SPAG16: variants seen among roughly 807,000 people sequenced by gnomAD.
SPAG16 encodes the protein sperm associated antigen 16.
A neutral mutation model predicts 80.4 loss-of-function variants in SPAG16; 86 were observed. The observed-to-expected ratio is 1.07, with a 90% CI of 0.90 to 1.28. The LOEUF is 1.28. SPAG16 is among the 50% of genes most tolerant of loss of function. The pLI is 0.00. For synonymous variants in SPAG16, 294 were observed against 265.9 expected (o/e 1.11, Z -1.03); for missense variants, 870 against 765.3 (o/e 1.14, Z -1.61).
chr2:214,325,826 G>A (rs1316205127), intron 15 of SPAG16, among the ~76,000 whole-genome samples: 1 of 151,852 alleles, frequency 6.6e-6, no homozygotes, highest in Non-Finnish European at 1.5e-5. Context: ...AAGCAGAAAA[G>A]GAAATAGAGA....
At chr2:213,292,472 G>A (rs1031625502) in intron 1 of SPAG16, among the ~76,000 whole-genome samples, 1 of 151,316 alleles carries the variant, frequency 6.6e-6, no homozygotes, top group African/African-American at 2.4e-5. Context: ...AGACCATCCC[G>A]GCTAAAACGG....
intron 14 of SPAG16, among the ~76,000 whole-genome samples, chr2:214,140,328 A>G (rs1405909317): frequency 6.6e-6 from 1 of 151,726 alleles, no homozygotes; most frequent in African/African-American, 2.4e-5. Flanking sequence ...ATTTAATTGC[A>G]TCATCGTCAT....
chr2:214,196,648 G>T (rs1434494520), intron 15 of SPAG16, among the ~76,000 whole-genome samples: 3 of 152,002 alleles, frequency 2.0e-5, no homozygotes, highest in African/African-American at 7.2e-5. Context: ...CACAAAGAGT[G>T]AAACCAGTCT....
intron 4 of SPAG16, 142 bp downstream of exon 4, chr2:213,310,319 AACACACACACACAC>A (rs59407158): frequency 0.049 from 17,000 of 346,536 alleles, 548 homozygotes; most frequent in African/African-American, 0.14. Flanking sequence ...CTGAAACCAC[AACACACACACACAC>A]ACACACACAC....
chr2:214,041,978 G>GTGTT (rs1410396491), intron 13 of SPAG16, among the ~76,000 whole-genome samples: 2 of 116,362 alleles, frequency 1.7e-5, no homozygotes, highest in Non-Finnish European at 3.6e-5. Context: ...GTCTGTGTGT[G>GTGTT]TATATATATA....
intron 15 of SPAG16, among the ~76,000 whole-genome samples, chr2:214,403,983 A>C (rs990495201): frequency 2.6e-5 from 4 of 152,186 alleles, no homozygotes; most frequent in African/African-American, 9.6e-5. Flanking sequence ...AGGTAGGTTG[A>C]TTTTTGTTAG....
At chr2:214,214,185 C>CTTTT (rs71399124) in intron 15 of SPAG16, among the ~76,000 whole-genome samples, 25,343 of 139,866 alleles carry the variant, frequency 0.18, 2,632 homozygotes, top group Middle Eastern at 0.29. Context: ...TTCCTTTTTA[C>CTTTT]TTTTTTTTTT....
chr2:213,965,631 G>A (rs532580579), intron 12 of SPAG16, among the ~76,000 whole-genome samples: 24 of 152,150 alleles, frequency 1.6e-4, no homozygotes, highest in Admixed American at 7.2e-4. Flanking sequence ...TTTTACTATC[G>A]TATGGCTATA....
At chr2:213,952,907 TAAC>T (rs1297347138) in intron 12 of SPAG16, among the ~76,000 whole-genome samples, 6 of 152,076 alleles carry the variant, frequency 3.9e-5, no homozygotes, top group Non-Finnish European at 7.4e-5. Context: ...AATTTTAAAA[TAAC>T]AAGTTTCAAT....
chr2:213,855,509 G>A (rs1283706575), intron 10 of SPAG16, among the ~76,000 whole-genome samples: 1 of 152,174 alleles, frequency 6.6e-6, no homozygotes, highest in Non-Finnish European at 1.5e-5. Flanking sequence ...TCACTTTGTT[G>A]CATTTCATAG....
chr2:213,319,297 T>C (rs116551646), intron 5 of SPAG16, among the ~76,000 whole-genome samples: 249 of 152,020 alleles, frequency 1.6e-3, no homozygotes, highest in African/African-American at 5.8e-3. Flanking sequence ...CATTGAGAAG[T>C]AGAGAAAATA....
intron 15 of SPAG16, among the ~76,000 whole-genome samples, chr2:214,265,506 C>A (rs907512734): frequency 6.6e-6 from 1 of 151,714 alleles, no homozygotes; most frequent in Admixed American, 6.6e-5. Context: ...TGGATATAAC[C>A]CCTTTATCTA....
intron 15 of SPAG16, among the ~76,000 whole-genome samples, chr2:214,325,777 C>T (rs1559213879): frequency 6.6e-6 from 1 of 151,406 alleles, no homozygotes; most frequent in Non-Finnish European, 1.5e-5. Context: ...ATTCGTATGA[C>T]ATCCAATACT....
chr2:213,407,857 G>GAGAGAGACAGGAGAGAGGC (rs2068731603), intron 9 of SPAG16, among the ~76,000 whole-genome samples: 2 of 138,040 alleles, frequency 1.4e-5, no homozygotes, highest in Admixed American at 7.2e-5. Context: ...GAGAGGCAGA[G>GAGAGAGACAGGAGAGAGGC]AGAGAGACAG....
At chr2:214,301,030 TAA>T (rs1694509508) in intron 15 of SPAG16, among the ~76,000 whole-genome samples, 2 of 20,900 alleles carry the variant, frequency 9.6e-5, no homozygotes, top group African/African-American at 3.4e-4. Flanking sequence ...ACTTAAAGTA[TAA>T]TAATAATAAT....
chr2:213,485,556 A>ATTTTTTTTTTTTTTT (rs369309533), intron 9 of SPAG16, among the ~76,000 whole-genome samples: 1 of 142,216 alleles, frequency 7.0e-6, no homozygotes, highest in African/African-American at 2.6e-5. Context: ...CCAGTGATGC[A>ATTTTTTTTTTTTTTT]TTTTTTTTTT....
chr2:214,005,062 C>T (rs1299708330), intron 12 of SPAG16, among the ~76,000 whole-genome samples: 1 of 151,974 alleles, frequency 6.6e-6, no homozygotes, highest in Admixed American at 6.6e-5. Flanking sequence ...AGTTATAAAG[C>T]TGTTTGTTTT....
rs756134352 is a variant in SPAG16, at chr2:213,679,074, A to T, written c.1071-183411A>T. 1.6e-4 allele frequency among the ~76,000 whole-genome samples: 25 copies of T among 152,128 alleles called. 1 individual carries two copies. The highest frequency in any genetic ancestry group is 2.4e-4 in the Non-Finnish European group (16 of 68,016). ...CCTCCTTAGACTTCCTTAACGAAGG[A>T]CACCTTCTCTGCATGCAAATCAGCT... On this transcript the variant is annotated intron_variant, in intron 10 of 15. Coordinates refer to ENST00000331683, the MANE Select transcript of SPAG16 (RefSeq NM_024532.5).
At chr2:213,736,177 G>A (rs1414330731) in intron 10 of SPAG16, among the ~76,000 whole-genome samples, 1 of 152,018 alleles carries the variant, frequency 6.6e-6, no homozygotes, top group African/African-American at 2.4e-5. Flanking sequence ...ATAACTCAAG[G>A]TTTCTTTAAT....
Sources: allele counts gnomAD v4.1 joint callset (sites outside exome capture counted in the v4.1 genomes callset), GRCh38; gene constraint gnomAD v4.1.1; transcripts MANE v1.5; gene names NCBI Gene and HGNC (gene_info 2026-07-23, HGNC 2026-07-21).